The following EPHB1 variants were observed in gnomAD, a reference collection of about 807,000 sequenced individuals.
EPHB1 encodes EPH receptor B1.
A neutral mutation model predicts 94.4 loss-of-function variants in EPHB1; 30 were observed. The ratio of observed to expected loss-of-function variants is 0.32; its 90% confidence interval spans 0.24 to 0.43. The LOEUF (loss-of-function observed/expected upper bound fraction) is 0.43, where lower values mean the gene tolerates loss of function less well. Ranked by LOEUF, EPHB1 falls within the 20% of genes least tolerant of loss-of-function variation. The probability of loss-of-function intolerance (pLI) is 1.00; values close to 1 mark genes in which losing one functional copy is unlikely to be tolerated. For missense variants in EPHB1, 1,055 were observed against 1,308.3 expected, an observed-to-expected ratio of 0.81 and a Z score of 2.99; for synonymous variants, 522 against 489.1, an observed-to-expected ratio of 1.07 and a Z score of -0.89.
intron 15 of EPHB1, among the ~76,000 whole-genome samples, chr3:135,251,411 G>A (rs1471726760): frequency 1.3e-5 from 2 of 152,116 alleles, no homozygotes; most frequent in Non-Finnish European, 2.9e-5. Context: ...GGGGGCCATT[G>A]TCACGTAATC....
chr3:135,226,183 C>T (rs1051621535), intron 12 of EPHB1, among the ~76,000 whole-genome samples: 3 of 152,216 alleles, frequency 2.0e-5, no homozygotes, highest in African/African-American at 7.2e-5. Flanking sequence ...CCAGCCTACA[C>T]TACGGCTTGC....
At chr3:135,162,846 A>G (rs898170134) in intron 7 of EPHB1, among the ~76,000 whole-genome samples, 1 of 152,222 alleles carries the variant, frequency 6.6e-6, no homozygotes, top group Non-Finnish European at 1.5e-5. Flanking sequence ...CTGATTTCCC[A>G]GTAGCCTCAG....
chr3:135,063,626 C>T (rs906118848), intron 3 of EPHB1, among the ~76,000 whole-genome samples: 7 of 152,118 alleles, frequency 4.6e-5, no homozygotes, highest in African/African-American at 1.2e-4. Context: ...ATAATTGTAT[C>T]ATCAGCAAAC....
chr3:134,975,783 G>C (rs796560336), intron 3 of EPHB1, among the ~76,000 whole-genome samples: 1 of 152,022 alleles, frequency 6.6e-6, no homozygotes, highest in Non-Finnish European at 1.5e-5. Context: ...AGAGGGCAGG[G>C]GGGGAGTGAG....
Position 135,197,715 on chromosome 3 carries a change from A to G in EPHB1, c.2131-3759A>G, listed in dbSNP as rs376263139. On this transcript the variant is annotated intron_variant, in intron 11 of 15. Coordinates refer to ENST00000398015, the MANE Select transcript of EPHB1 (RefSeq NM_004441.5). ...GCACTTCATGAAGGGAGGAAAGTTTAAATCACCTCACCTAGACCTGTATTT... is the reference window on the plus strand; with the variant it reads ...GCACTTCATGAAGGGAGGAAAGTTTGAATCACCTCACCTAGACCTGTATTT... 1.4e-4 allele frequency among the ~76,000 whole-genome samples: 22 copies of G among 152,336 alleles called. 1 individual carries two copies. In the South Asian group the frequency reaches 4.6e-3, roughly 32 times the overall value.
At chr3:135,242,953 G>A (rs1320549066) in intron 13 of EPHB1, among the ~76,000 whole-genome samples, 1 of 151,772 alleles carries the variant, frequency 6.6e-6, no homozygotes, top group East Asian at 1.9e-4. Context: ...GCACATGCCT[G>A]TAATCTCAGC....
chr3:135,132,039 G>A (rs7372088), intron 4 of EPHB1, among the ~76,000 whole-genome samples: 26,678 of 152,202 alleles, frequency 0.18, 3,251 homozygotes, highest in East Asian at 0.56. Flanking sequence ...TGTATATAAA[G>A]CAGCTAGCAG....
intron 1 of EPHB1, among the ~76,000 whole-genome samples, chr3:134,863,727 G>A (rs561751740): frequency 1.4e-4 from 22 of 152,324 alleles, no homozygotes; most frequent in Non-Finnish European, 7.4e-5. Flanking sequence ...AGCCTGCAAA[G>A]CATGGCTCCT....
chr3:134,800,561 A>G (rs748700562), intron 1 of EPHB1, among the ~76,000 whole-genome samples: 47 of 152,126 alleles, frequency 3.1e-4, no homozygotes, highest in Admixed American at 9.2e-4. Flanking sequence ...ATGGATCCTA[A>G]AAATCAGCAT....
chr3:135,056,321 C>T (rs527870544), intron 3 of EPHB1, among the ~76,000 whole-genome samples: 20 of 152,346 alleles, frequency 1.3e-4, no homozygotes, highest in Middle Eastern at 3.4e-3. Flanking sequence ...CATCATCTCT[C>T]CGTCAGGCTG....
intron 3 of EPHB1, among the ~76,000 whole-genome samples, chr3:135,047,598 G>A (rs1937038833): frequency 6.6e-6 from 1 of 152,202 alleles, no homozygotes; most frequent in Non-Finnish European, 1.5e-5. Flanking sequence ...AGGTCCCCGA[G>A]GCTGTGTGCT....
chr3:134,940,550 T>A (rs905058358), intron 2 of EPHB1, among the ~76,000 whole-genome samples: 43 of 152,322 alleles, frequency 2.8e-4, no homozygotes, highest in Admixed American at 2.6e-3. Flanking sequence ...TTCTCAGCAA[T>A]GGGCCAGGCA....
chr3:134,798,486 C>A (rs137912026), intron 1 of EPHB1, among the ~76,000 whole-genome samples: 410 of 152,274 alleles, frequency 2.7e-3, no homozygotes, highest in South Asian at 0.014. Context: ...CCTTTCCCCC[C>A]ACACTCCCGC....
intron 1 of EPHB1, among the ~76,000 whole-genome samples, chr3:134,870,925 A>G (rs2037485830): frequency 6.6e-6 from 1 of 152,260 alleles, no homozygotes; most frequent in Admixed American, 6.5e-5. Context: ...TAGAGTCCCA[A>G]AGCTTCCTCT....
chr3:134,848,561 T>A (rs1359917120), intron 1 of EPHB1, among the ~76,000 whole-genome samples: 1 of 152,232 alleles, frequency 6.6e-6, no homozygotes, highest in African/African-American at 2.4e-5. Flanking sequence ...TCATCACTAC[T>A]TCATTCATCG....
chr3:134,936,447 C>A (rs1366586783), intron 2 of EPHB1, among the ~76,000 whole-genome samples: 3 of 151,534 alleles, frequency 2.0e-5, no homozygotes, highest in Non-Finnish European at 4.4e-5. Context: ...TTCCTTCCCA[C>A]CCCCTAGGTC....
At chr3:135,150,731 T>G (rs768870000) in intron 5 of EPHB1, among the ~76,000 whole-genome samples, 1 of 152,212 alleles carries the variant, frequency 6.6e-6, no homozygotes, top group Non-Finnish European at 1.5e-5. Context: ...TATCTATTGA[T>G]TCTCTTGGTG....
chr3:134,946,833 C>CA (rs1439214316), intron 2 of EPHB1, among the ~76,000 whole-genome samples: 1 of 152,178 alleles, frequency 6.6e-6, no homozygotes, highest in Non-Finnish European at 1.5e-5. Context: ...GAGGCCTCAC[C>CA]AGAAGTAGAT....
intron 3 of EPHB1, among the ~76,000 whole-genome samples, chr3:135,070,784 T>C (rs1378620519): frequency 6.6e-6 from 1 of 152,210 alleles, no homozygotes; most frequent in Non-Finnish European, 1.5e-5. Context: ...TGTTTCATTG[T>C]TTTGCATTCC....
Sources: allele counts gnomAD v4.1 joint callset (sites outside exome capture counted in the v4.1 genomes callset), GRCh38; gene constraint gnomAD v4.1.1; transcripts MANE v1.5; gene names NCBI Gene and HGNC (gene_info 2026-07-23, HGNC 2026-07-21).